The following SLC35F5 variants were observed in gnomAD, a reference collection of about 807,000 sequenced individuals.
The protein encoded by SLC35F5 is HCV NS5A-transactivated protein 3.
SLC35F5 carries 54 observed loss-of-function variants against 68.6 expected under a neutral mutation model. The ratio of observed to expected loss-of-function variants is 0.79; its 90% CI spans 0.63 to 0.99. The LOEUF (loss-of-function observed/expected upper bound fraction) is 0.99, where lower values mean the gene tolerates loss of function less well. SLC35F5 is among the 50% of genes least tolerant of loss of function. The probability of loss-of-function intolerance (pLI) is 0.00; values close to 1 mark genes in which losing one functional copy is unlikely to be tolerated. For missense variants in SLC35F5, 567 were observed against 626.9 expected, an observed-to-expected ratio of 0.90 and a Z score of 1.02; for synonymous variants, 211 against 205.2, an observed-to-expected ratio of 1.03 and a Z score of -0.24.
At chr2:113,755,030 C>T (rs1676909161) in intron 3 of SLC35F5, 135 bp downstream of exon 3, 2 of 782,164 alleles carry the variant, frequency 2.6e-6, no homozygotes, top group Non-Finnish European at 3.8e-6. Context: ...AATAATTCAA[C>T]GTTTTTTAAA....
chr2:113,755,474 G>A lies in SLC35F5; in HGVS notation c.111C>T (p.Leu37=). ...AKFSGIALED[L]RRALKTRLQM... Reference sequence around the variant, plus strand: ...TCTACCTTGTCTTAAGAGCCCTTCTGAGATCCTCAAGAGCAATGCCGGAAA... The same window carrying A: ...TCTACCTTGTCTTAAGAGCCCTTCTAAGATCCTCAAGAGCAATGCCGGAAA... The change falls in exon 2 of 16, where the codon CTC becomes CTT. Residue 37 remains leucine (L), a synonymous_variant. Coordinates refer to ENST00000245680, the MANE Select transcript of SLC35F5 (RefSeq NM_025181.5). 6.2e-7 allele frequency: 1 copy of A among 1,614,126 alleles called. No individual in the cohort carries two copies. Among genetic ancestry groups the A allele is most frequent in the Non-Finnish European group, 8.5e-7 (1 of 1,180,006 alleles).
At chr2:113,721,509 A>C (rs1687434207) in intron 13 of SLC35F5, 1 of 152,820 alleles carries the variant, frequency 6.5e-6, no homozygotes, top group African/African-American at 2.4e-5. Context: ...TAATCATTTA[A>C]TACAATTAGG....
At chr2:113,715,674 C>G (rs1687150057) in intron 15 of SLC35F5, among the ~76,000 whole-genome samples, 1 of 152,070 alleles carries the variant, frequency 6.6e-6, no homozygotes, top group African/African-American at 2.4e-5. Context: ...ATACAAAGTC[C>G]TCACTTAATG....
At chr2:113,755,809 C>G (rs7578249) in intron 1 of SLC35F5, 1 of 1,529,992 alleles carries the variant, frequency 6.5e-7, no homozygotes, top group Non-Finnish European at 8.9e-7. Context: ...AGTTAACTAC[C>G]AGAAAATAGC....
intron 7 of SLC35F5, 107 bp from the exon 8 acceptor site, chr2:113,735,965 A>G: frequency 3.1e-6 from 2 of 653,280 alleles, no homozygotes; most frequent in Non-Finnish European, 5.3e-6. Flanking sequence ...CCGTTCTCAC[A>G]AGATGTTTTA....
intron 7 of SLC35F5, among the ~76,000 whole-genome samples, chr2:113,739,386 T>C (rs1169607274): frequency 6.6e-6 from 1 of 152,240 alleles, no homozygotes; most frequent in African/African-American, 2.4e-5. Context: ...TCATTATTTT[T>C]GATCTGCAGT....
intron 4 of SLC35F5, among the ~76,000 whole-genome samples, chr2:113,747,383 C>T (rs72946635): frequency 0.11 from 16,275 of 152,082 alleles, 966 homozygotes; most frequent in Non-Finnish European, 0.13. Flanking sequence ...TTCATATCCA[C>T]AGCTAGTCTA....
At chr2:113,722,974 C>T in intron 13 of SLC35F5, 130 bp downstream of exon 13, 1 of 518,414 alleles carries the variant, frequency 1.9e-6, no homozygotes, top group Admixed American at 3.7e-5. Context: ...TGTAGTAAAG[C>T]ACCTTGGGAG....
In SLC35F5 at chr2:113,742,698, G is replaced by T; in HGVS notation, c.744C>A (p.Cys248Ter). Residue 248 changes from cysteine (C) to a stop codon, truncating the protein, a stop_gained, in exon 7 of 16, where the codon TGC (cysteine) becomes TGA (stop). Coordinates refer to ENST00000245680, the MANE Select transcript of SLC35F5 (RefSeq NM_025181.5). LOFTEE classifies it high-confidence loss of function. ...CATATCATAAAAGACCTACCACAAAGCAAAAAAAAAAGCTAATTTTCGCTA... is the reference window on the plus strand; with the variant it reads ...CATATCATAAAAGACCTACCACAAATCAAAAAAAAAAGCTAATTTTCGCTA... The part of the protein sequence containing the change: ...TQVAKISFFF[C>*]FVWFLANLSY... The T allele has an allele frequency of 6.2e-7, 1 of 1,612,284 alleles. No individual in the cohort carries two copies.
rs1234776215 is a variant in SLC35F5, at chr2:113,755,268, T to C, written c.170A>G (p.Asn57Ser). The C allele has an allele frequency of 1.2e-6, 2 of 1,614,210 alleles. No homozygotes were observed. Among genetic ancestry groups the C allele is most frequent in the Non-Finnish European group, 1.7e-6 (2 of 1,180,024 alleles). The stretch of plus-strand genomic sequence containing the variant: ...CTGAGTGAAACCACTGTTCTGGGAA[T>C]TCATTCGGTTCATGACAAATACACA... Reference protein sequence around the residue: ...MVCVFVMNRMNSQNSGFTQRR... With the variant: ...MVCVFVMNRMSSQNSGFTQRR... The change falls in exon 3 of 16, where the codon AAT (asparagine) becomes AGT (serine). Residue 57 changes from asparagine (N) to serine (S), a missense_variant. Coordinates refer to ENST00000245680, the MANE Select transcript of SLC35F5 (RefSeq NM_025181.5).
intron 13 of SLC35F5, among the ~76,000 whole-genome samples, 184 bp downstream of exon 13, chr2:113,722,920 A>AAAAATGGAAAAGCTC (rs1414611290): frequency 3.9e-5 from 6 of 152,252 alleles, no homozygotes; most frequent in African/African-American, 1.4e-4. Flanking sequence ...TGGAAAAGCT[A>AAAAATGGAAAAGCTC]AAAATGGAAA....
chr2:113,738,659 GA>G (rs74545459), intron 7 of SLC35F5, among the ~76,000 whole-genome samples: 2,031 of 132,482 alleles, frequency 0.015, 51 homozygotes, highest in African/African-American at 0.051. Flanking sequence ...ACATTTTACA[GA>G]AAAAAAAAAA....
At chr2:113,718,928 A>AGG (rs1268449934) in intron 14 of SLC35F5, among the ~76,000 whole-genome samples, 99 of 42,450 alleles carry the variant, frequency 2.3e-3, no homozygotes, top group African/African-American at 6.5e-3. Context: ...AAAGAAAGAA[A>AGG]AAGAAAGGAA....
In SLC35F5 at chr2:113,756,438, C is replaced by CT; in HGVS notation, c.-30_-29insA. 6.5e-7 allele frequency: 1 copy of CT among 1,541,958 alleles called. No individual in the cohort carries two copies. The stretch of plus-strand genomic sequence containing the variant: ...CGGACCGGTCAGGCCCCGCAGCCGC[C>CT]CAGCGCCACGGCCGCGGCCTCGGAC... On this transcript the variant is annotated 5_prime_UTR_variant, in exon 1 of 16. Coordinates refer to ENST00000245680, the MANE Select transcript of SLC35F5 (RefSeq NM_025181.5).
chr2:113,724,830 T>C (rs1261724955), intron 12 of SLC35F5, among the ~76,000 whole-genome samples: 1 of 152,184 alleles, frequency 6.6e-6, no homozygotes, highest in Non-Finnish European at 1.5e-5. Flanking sequence ...CGCATATCAG[T>C]ATATTGGATA....
intron 14 of SLC35F5, among the ~76,000 whole-genome samples, chr2:113,718,927 A>AAGAAAGAAAGAG (rs1182098254): frequency 1.4e-3 from 63 of 44,512 alleles, no homozygotes; most frequent in African/African-American, 4.0e-3. Flanking sequence ...GAAAGAAAGA[A>AAGAAAGAAAGAG]AAAGAAAGGA....
At chr2:113,727,549 C>CAATG in intron 11 of SLC35F5, among the ~76,000 whole-genome samples, 2 of 152,210 alleles carry the variant, frequency 1.3e-5, no homozygotes, top group Middle Eastern at 6.8e-3. Flanking sequence ...ACAAAAGTCC[C>CAATG]AATGACCCCA....
At chr2:113,704,801 C>A (rs560513400), downstream of SLC35F5, among the ~76,000 whole-genome samples, 103 of 152,250 alleles carry the variant, frequency 6.8e-4, no homozygotes, top group African/African-American at 2.3e-3. Flanking sequence ...CACACCTCCC[C>A]GCAAGCTGGG....
At position 113,743,734 on chromosome 2, in the gene SLC35F5, T is replaced by C. The variant is rs1676375591; in HGVS notation, c.541A>G (p.Thr181Ala). The change falls in exon 6 of 16, where the codon ACA becomes GCA. Residue 181 changes from threonine to alanine, a missense_variant. Physicochemically the swap from Thr to Ala is moderately conservative, Grantham distance 58. Transcript: ENST00000245680. ...HDLPSEKPES[T>A]NIDTEKTPKK... ...TTACTTTTTTCAGTATCAATGTTTG[T>C]GCTCTCAGGTTTTTCACTTGGAAGA... 1 of 1,612,712 alleles carries C rather than the reference T, an allele frequency of 6.2e-7. No individual in the cohort carries two copies. The highest frequency in any genetic ancestry group is 1.7e-5 in the Admixed American group (1 of 59,926).
Sources: allele counts gnomAD v4.1 joint callset (sites outside exome capture counted in the v4.1 genomes callset), GRCh38; gene constraint gnomAD v4.1.1; transcripts MANE v1.5; gene names NCBI Gene and HGNC (gene_info 2026-07-23, HGNC 2026-07-21).